The following TMEM196 variants were observed in gnomAD, a reference collection of about 807,000 sequenced individuals.
TMEM196 encodes the protein transmembrane protein 196.
Under a neutral mutation model 20.0 loss-of-function variants are expected in TMEM196, and 17 were observed. That is an observed-to-expected ratio of 0.85 (90% CI 0.58 to 1.27). The LOEUF is 1.27. Ranked by LOEUF, TMEM196 falls within the 50% of genes most tolerant of loss-of-function variation. The probability of loss-of-function intolerance (pLI) is 0.00; values close to 1 mark genes in which losing one functional copy is unlikely to be tolerated. For missense variants in TMEM196, 267 were observed against 223.0 expected (o/e 1.20, Z -1.26); for synonymous variants, 113 against 88.9 (o/e 1.27, Z -1.52).
chr7:19,729,137 G>A (rs1374112997), intron 2 of TMEM196, among the ~76,000 whole-genome samples: 2 of 152,082 alleles, frequency 1.3e-5, no homozygotes, highest in Non-Finnish European at 2.9e-5. Flanking sequence ...ATTAAAGGTT[G>A]CATATTCAGA....
chr7:19,726,371 A>T (rs913994326), intron 2 of TMEM196, among the ~76,000 whole-genome samples: 5 of 152,194 alleles, frequency 3.3e-5, no homozygotes, highest in African/African-American at 1.2e-4. Context: ...GAGCTTAGGA[A>T]ATTTAGTTAA....
At position 19,724,258 on chromosome 7, in the gene TMEM196, A is replaced by T. The variant is rs1226216124; in HGVS notation, c.533+22T>A. 3.2e-6 allele frequency: 5 copies of T among 1,549,256 alleles called. No homozygotes were observed. The South Asian group carries it at 4.8e-5, about 15-fold the overall frequency. ...TTCTGCAGCGACATTACAACATGGT[A>T]ACTCCCTAGAAATCAGCGTACCTTG... On this transcript the variant is annotated intron_variant, in intron 4 of 4. Coordinates refer to ENST00000405844, the MANE Select transcript of TMEM196 (RefSeq NM_001363562.2).
intron 1 of TMEM196, among the ~76,000 whole-genome samples, chr7:19,751,291 T>G (rs1784951214): frequency 6.6e-6 from 1 of 152,242 alleles, no homozygotes; most frequent in Non-Finnish European, 1.5e-5. Context: ...GAACCGTATT[T>G]ATGCTCCAGG....
Position 19,721,115 on chromosome 7 carries a change from C to T in TMEM196, c.*1013G>A, listed in dbSNP as rs1280652199. ...CACTCATCTTCATAAATATCACCCA[C>T]AATGATATTTACACAAAACCTAATT... On this transcript the variant is annotated 3_prime_UTR_variant, in exon 5 of 5. Transcript: ENST00000405844. The T allele has an allele frequency of 4.0e-5, 6 of 151,800 alleles. No homozygotes were observed. The highest frequency in any genetic ancestry group is 7.4e-5 in the Non-Finnish European group (5 of 67,776). The allele number at this position is 151,800 out of a possible 1,614,324, so 9.4% of individuals were successfully genotyped here. A position where few individuals can be genotyped will look rare whatever the true frequency, so the allele number is the denominator to read the frequency against.
intron 4 of TMEM196, 58 bp from the exon 5 acceptor site, chr7:19,722,192 G>A: frequency 6.9e-7 from 1 of 1,445,736 alleles, no homozygotes; most frequent in Non-Finnish European, 9.5e-7. Context: ...ACATTGTTTT[G>A]GTTAATGAGT....
intron 1 of TMEM196, among the ~76,000 whole-genome samples, chr7:19,749,385 T>G (rs1167838002): frequency 6.6e-6 from 1 of 152,206 alleles, no homozygotes; most frequent in Non-Finnish European, 1.5e-5. Flanking sequence ...CCATTTAGCA[T>G]GTAACCTATA....
intron 1 of TMEM196, among the ~76,000 whole-genome samples, chr7:19,745,890 G>C (rs1251220252): frequency 6.6e-6 from 1 of 151,292 alleles, no homozygotes; most frequent in Non-Finnish European, 1.5e-5. Context: ...TTGGCATTTT[G>C]TTCTGATTGA....
chr7:19,772,474 C>G lies in TMEM196; in HGVS notation c.147+76G>C, dbSNP rs1785922524. Reference sequence around the variant, plus strand: ...TTTCCCAGGGAGGGAGTGACTAATGCGCGCACCCTGACCATCACCGTAAAG... The same window carrying G: ...TTTCCCAGGGAGGGAGTGACTAATGGGCGCACCCTGACCATCACCGTAAAG... On this transcript the variant is annotated intron_variant, in intron 1 of 4. Transcript: ENST00000405844. 6 of 1,383,122 alleles carry G rather than the reference C, an allele frequency of 4.3e-6. No homozygotes were observed. In the South Asian group the frequency reaches 1.0e-4, roughly 23 times the overall value. 85.7% of individuals were successfully genotyped at this position (1,383,122 alleles called of 1,614,324 possible). A position where few individuals can be genotyped will look rare whatever the true frequency, so the allele number is the denominator to read the frequency against.
At chr7:19,740,245 G>T (rs555885137) in intron 1 of TMEM196, among the ~76,000 whole-genome samples, 2 of 152,226 alleles carry the variant, frequency 1.3e-5, no homozygotes, top group Admixed American at 1.3e-4. Flanking sequence ...AAAGCAAGGT[G>T]TAAAATTGTG....
chr7:19,760,940 TC>T (rs1303066193), intron 1 of TMEM196, among the ~76,000 whole-genome samples: 1 of 152,160 alleles, frequency 6.6e-6, no homozygotes, highest in East Asian at 1.9e-4. Context: ...AGAGCTTTCT[TC>T]CACACCACGC....
intron 1 of TMEM196, among the ~76,000 whole-genome samples, chr7:19,768,573 A>G (rs10486368): frequency 0.058 from 8,861 of 152,196 alleles, 395 homozygotes; most frequent in African/African-American, 0.12. Context: ...TACATCAGTT[A>G]TAATTCACAT....
At chr7:19,767,000 C>T (rs1785658309) in intron 1 of TMEM196, among the ~76,000 whole-genome samples, 1 of 152,012 alleles carries the variant, frequency 6.6e-6, no homozygotes, top group Admixed American at 6.6e-5. Flanking sequence ...AGCAAACTGT[C>T]AATTAGTAGG....
intron 2 of TMEM196, among the ~76,000 whole-genome samples, chr7:19,728,845 T>C (rs10262988): frequency 0.8 from 122,433 of 152,206 alleles, 50,224 homozygotes; most frequent in East Asian, 1. Flanking sequence ...TATAGTACCA[T>C]AAAACATCTG....
At chr7:19,734,937 A>G (rs1217179909) in intron 1 of TMEM196, among the ~76,000 whole-genome samples, 6 of 152,202 alleles carry the variant, frequency 3.9e-5, no homozygotes, top group Non-Finnish European at 7.4e-5. Flanking sequence ...AAAGGAATGA[A>G]ATAACAAAAG....
chr7:19,766,640 T>G (rs1316391954), intron 1 of TMEM196, among the ~76,000 whole-genome samples: 2 of 151,596 alleles, frequency 1.3e-5, no homozygotes, highest in Non-Finnish European at 2.9e-5. Context: ...ACTTCACAAG[T>G]AAAATGATGG....
chr7:19,730,814 C>G (rs536509448), intron 1 of TMEM196, among the ~76,000 whole-genome samples: 1 of 152,124 alleles, frequency 6.6e-6, no homozygotes, highest in Non-Finnish European at 1.5e-5. Flanking sequence ...ATTATGCAGG[C>G]AGTGGGGCAG....
intron 1 of TMEM196, among the ~76,000 whole-genome samples, chr7:19,754,117 C>A (rs144431708): frequency 5.0e-4 from 76 of 152,284 alleles, no homozygotes; most frequent in African/African-American, 1.7e-3. Context: ...CATGGCTCTC[C>A]CATTTTCTGG....
Position 19,730,844 on chromosome 7 carries a change from C to T in TMEM196, c.148-1406G>A, listed in dbSNP as rs555252498. 2.6e-5 allele frequency among the ~76,000 whole-genome samples: 4 copies of T among 152,104 alleles called. No homozygotes were observed. The South Asian group carries it at 6.2e-4, about 24-fold the overall frequency. Reference sequence around the variant, plus strand: ...GGGCAGCAAGAAGAAATAGGGAACACAGAATATATAAGAATTTGGTATATA... The same window carrying T: ...GGGCAGCAAGAAGAAATAGGGAACATAGAATATATAAGAATTTGGTATATA... On this transcript the variant is annotated intron_variant, in intron 1 of 4. Transcript: ENST00000405844.
intron 2 of TMEM196, among the ~76,000 whole-genome samples, chr7:19,726,384 C>A (rs1043724599): frequency 1.3e-5 from 2 of 152,084 alleles, no homozygotes; most frequent in East Asian, 1.9e-4. Flanking sequence ...TTAGTTAAAT[C>A]TCTTTTTTTA....
Sources: gnomAD v4.1 joint callset for allele counts (sites outside exome capture counted in the v4.1 genomes callset) on GRCh38, gnomAD v4.1.1 for gene constraint, MANE v1.5 for transcripts, NCBI Gene and HGNC (gene_info 2026-07-23, HGNC 2026-07-21) for gene names.